ARHGAP12: variants seen among roughly 807,000 people sequenced by gnomAD.
The protein encoded by ARHGAP12 is rho GTPase-activating protein 12.
Under a neutral mutation model 108.6 loss-of-function variants are expected in ARHGAP12, and 64 were observed. The observed-to-expected ratio is 0.59, with a 90% CI of 0.48 to 0.73. ARHGAP12 has a LOEUF of 0.73. Among genes scored for constraint, ARHGAP12 ranks in the 30% least tolerant of loss-of-function variants. ARHGAP12 has a pLI of 0.00. For synonymous variants in ARHGAP12, 312 were observed against 337.2 expected (o/e 0.93, Z 0.82); for missense variants, 940 against 1,005.9 (o/e 0.93, Z 0.89).
intron 18 of ARHGAP12, 88 bp downstream of exon 18, chr10:31,808,906 T>C: frequency 7.1e-7 from 1 of 1,411,714 alleles, no homozygotes; most frequent in South Asian, 1.4e-5. Flanking sequence ...AAATACTTGC[T>C]TAAAGTAAGA....
At chr10:31,923,607 C>T (rs958746985) in intron 1 of ARHGAP12, among the ~76,000 whole-genome samples, 3 of 152,132 alleles carry the variant, frequency 2.0e-5, no homozygotes, top group Admixed American at 1.3e-4. Flanking sequence ...TAAAAAGGAA[C>T]GAACTGTTGA....
chr10:31,812,878 C>T (rs1057315464), intron 14 of ARHGAP12, 55 bp from the exon 15 acceptor site: 1 of 973,660 alleles, frequency 1.0e-6, no homozygotes. Context: ...TTTTTTGATA[C>T]AAGTTTTTCC....
intron 1 of ARHGAP12, among the ~76,000 whole-genome samples, chr10:31,927,371 G>T (rs1461612068): frequency 1.3e-5 from 2 of 152,196 alleles, no homozygotes; most frequent in Non-Finnish European, 2.9e-5. Context: ...CGACTTTTAA[G>T]TATGAAAGAG....
chr10:31,833,609 A>G (rs2132210525), intron 9 of ARHGAP12, among the ~76,000 whole-genome samples: 1 of 152,354 alleles, frequency 6.6e-6, no homozygotes, highest in Non-Finnish European at 1.5e-5. Flanking sequence ...TCTAACTTGA[A>G]CATAAAGAAC....
intron 1 of ARHGAP12, among the ~76,000 whole-genome samples, chr10:31,923,217 T>C (rs941050415): frequency 2.0e-5 from 3 of 148,268 alleles, no homozygotes; most frequent in African/African-American, 7.5e-5. Flanking sequence ...CATGAAAATA[T>C]GCCCAACATC....
intron 1 of ARHGAP12, among the ~76,000 whole-genome samples, chr10:31,928,347 G>T (rs1840150784): frequency 6.6e-6 from 1 of 151,620 alleles, no homozygotes; most frequent in Non-Finnish European, 1.5e-5. Flanking sequence ...GGGCGGGGCG[G>T]GCGGGCGCTG....
At chr10:31,926,970 C>A (rs978550588) in intron 1 of ARHGAP12, among the ~76,000 whole-genome samples, 2 of 152,242 alleles carry the variant, frequency 1.3e-5, no homozygotes, top group African/African-American at 4.8e-5. Context: ...AGTCATCAGT[C>A]TTCTCCAGCT....
chr10:31,817,788 C>T lies in ARHGAP12; in HGVS notation c.1731G>A (p.Gln577=). 6.3e-7 allele frequency: 1 copy of T among 1,576,786 alleles called. No homozygotes were observed. Among genetic ancestry groups the T allele is most frequent in the Non-Finnish European group, 8.6e-7 (1 of 1,163,324 alleles). The change falls in exon 13 of 20, where the codon CAG becomes CAA. Residue 577 remains glutamine, a splice_region_variant and synonymous_variant. Coordinates refer to ENST00000344936, the MANE Select transcript of ARHGAP12 (RefSeq NM_018287.7). ...FKVLSSTINN[Q]AVETDEGIEE... is the part of the protein sequence containing the mutation. The stretch of plus-strand genomic sequence containing the variant: ...AATTTTACCTAAGTCAACGACATAC[C>T]TGATTATTGATTGTACTACTAAGAA...
intron 3 of ARHGAP12, among the ~76,000 whole-genome samples, chr10:31,895,113 G>T (rs1838623369): frequency 6.6e-6 from 1 of 152,176 alleles, no homozygotes; most frequent in Non-Finnish European, 1.5e-5. Context: ...ATGGATTAAA[G>T]ACTTAAATGT....
At chr10:31,906,110 C>T (rs1839124063) in intron 3 of ARHGAP12, among the ~76,000 whole-genome samples, 1 of 152,150 alleles carries the variant, frequency 6.6e-6, no homozygotes, top group Non-Finnish European at 1.5e-5. Flanking sequence ...AAACAACACA[C>T]AAGCAGCCAT....
At chr10:31,827,423 T>A (rs1835656890) in intron 10 of ARHGAP12, among the ~76,000 whole-genome samples, 1 of 152,178 alleles carries the variant, frequency 6.6e-6, no homozygotes, top group African/African-American at 2.4e-5. Context: ...GCTAGGAAGA[T>A]AAATGAATGT....
At position 31,920,449 on chromosome 10, in the gene ARHGAP12, C is replaced by CAAAAAAAAAAAAAAAAAAAAA. The variant is rs71027040; in HGVS notation, c.-111+8213_-111+8233dup. ...TAGGCGACAGAGTGAGACTCCGTCT[C>CAAAAAAAAAAAAAAAAAAAAA]AAAAAAAAAAAAAAAAAAAAAAGAA... On this transcript the variant is annotated intron_variant, in intron 1 of 19. Coordinates refer to ENST00000344936, the MANE Select transcript of ARHGAP12 (RefSeq NM_018287.7). Among the ~76,000 whole-genome samples the CAAAAAAAAAAAAAAAAAAAAA allele has an allele frequency of 7.6e-4, 45 of 59,596 alleles. 1 individual carries two copies. Among genetic ancestry groups the CAAAAAAAAAAAAAAAAAAAAA allele is most frequent in the Middle Eastern group, 0.012 (1 of 84 alleles). The allele number at this position is 59,596 out of a possible 152,430, so 39.1% of individuals were successfully genotyped here. A position where few individuals can be genotyped will look rare whatever the true frequency, so the allele number is the denominator to read the frequency against.
intron 1 of ARHGAP12, among the ~76,000 whole-genome samples, chr10:31,914,996 G>A (rs1013930931): frequency 4.6e-5 from 7 of 152,198 alleles, no homozygotes; most frequent in African/African-American, 1.7e-4. Flanking sequence ...CAACATGAAT[G>A]AACCCAGTGG....
rs886956675 is a variant in ARHGAP12 at position 31,853,201 on chromosome 10, G to T, written c.1090-604C>A. The stretch of plus-strand genomic sequence containing the variant: ...AACATATAACATACGATGTACATAT[G>T]CACTGGAACACAGGTACACTCACAT... On this transcript the variant is annotated intron_variant, in intron 5 of 19. Coordinates refer to ENST00000344936, the MANE Select transcript of ARHGAP12 (RefSeq NM_018287.7). Among the ~76,000 whole-genome samples the T allele has an allele frequency of 7.2e-5, 11 of 152,134 alleles. No individual in the cohort carries two copies. In the East Asian group the frequency reaches 2.1e-3, roughly 29 times the overall value.
intron 9 of ARHGAP12, among the ~76,000 whole-genome samples, chr10:31,832,420 C>A (rs1189163508): frequency 6.6e-6 from 1 of 152,190 alleles, no homozygotes; most frequent in African/African-American, 2.4e-5. Flanking sequence ...ATGTCAAAAA[C>A]AGTGACACAA....
intron 19 of ARHGAP12, 117 bp from the exon 20 acceptor site, chr10:31,807,949 T>C (rs928955789): frequency 4.3e-6 from 3 of 699,934 alleles, no homozygotes; most frequent in Non-Finnish European, 6.4e-6. Context: ...CTTATTTTCC[T>C]AAGGTGATGC....
chr10:31,915,091 C>G (rs144347277), intron 1 of ARHGAP12, among the ~76,000 whole-genome samples: 1 of 152,046 alleles, frequency 6.6e-6, no homozygotes, highest in Non-Finnish European at 1.5e-5. Context: ...AAATATTGAT[C>G]TCTTAGAAGC....
intron 13 of ARHGAP12, among the ~76,000 whole-genome samples, chr10:31,816,829 G>A (rs1835221443): frequency 6.6e-6 from 1 of 152,006 alleles, no homozygotes; most frequent in African/African-American, 2.4e-5. Context: ...CATGGTTTCA[G>A]GAATAAACGG....
At chr10:31,858,934 CG>C (rs1304513796) in intron 4 of ARHGAP12, among the ~76,000 whole-genome samples, 1 of 152,108 alleles carries the variant, frequency 6.6e-6, no homozygotes, top group Admixed American at 6.5e-5. Context: ...GACAAGCTTA[CG>C]GAACAGAATC....
Sources: allele counts gnomAD v4.1 joint callset (sites outside exome capture counted in the v4.1 genomes callset), GRCh38; gene constraint gnomAD v4.1.1; transcripts MANE v1.5; gene names NCBI Gene and HGNC (gene_info 2026-07-23, HGNC 2026-07-21).